The following NUDT4 variants were observed in gnomAD, a reference collection of about 807,000 sequenced individuals.
NUDT4 encodes diphosphoinositol polyphosphate phosphohydrolase 2.
In NUDT4, 5 loss-of-function variants were observed where a neutral mutation model predicts 23.1. The observed-to-expected ratio is 0.22, with a 90% CI of 0.11 to 0.46. The LOEUF is 0.46. NUDT4 is among the 20% of genes least tolerant of loss of function. The pLI is 0.99. For synonymous variants in NUDT4, 50 were observed against 79.0 expected, an observed-to-expected ratio of 0.63 and a Z score of 1.95; for missense variants, 96 against 211.6, an observed-to-expected ratio of 0.45 and a Z score of 3.39.
At chr12:93,384,299 C>T (rs550947201) in intron 1 of NUDT4, among the ~76,000 whole-genome samples, 92 of 152,210 alleles carry the variant, frequency 6.0e-4, no homozygotes, top group African/African-American at 2.2e-3. Context: ...TCCCGAGTAG[C>T]TGAGACTACA....
chr12:93,402,784 T>C lies in NUDT4; in HGVS notation c.*3405T>C, dbSNP rs1448205178. The C allele has an allele frequency of 6.6e-6, 1 of 152,216 alleles. No homozygotes were observed. Among genetic ancestry groups the C allele is most frequent in the African/African-American group, 2.4e-5 (1 of 41,450 alleles). 9.4% of individuals were successfully genotyped at this position (152,216 alleles called of 1,614,324 possible). A position where few individuals can be genotyped will look rare whatever the true frequency, so the allele number is the denominator to read the frequency against. On this transcript the variant is annotated 3_prime_UTR_variant, in exon 5 of 5. Transcript: ENST00000415493. Reference sequence around the variant, plus strand: ...CTAGAATTCTAATACAGATACTTTCTGCACTAGTATCACTTTTATTATTGC... The same window carrying C: ...CTAGAATTCTAATACAGATACTTTCCGCACTAGTATCACTTTTATTATTGC...
At chr12:93,398,495 C>T (rs1026731009) in intron 3 of NUDT4, among the ~76,000 whole-genome samples, 6 of 152,100 alleles carry the variant, frequency 3.9e-5, no homozygotes, top group Admixed American at 2.6e-4. Context: ...CCAGCCTGGG[C>T]AACATCTCCA....
chr12:93,403,029 T>TC lies in NUDT4; in HGVS notation c.*3650_*3651insC. The TC allele has an allele frequency of 9.1e-6, 1 of 109,374 alleles. No individual in the cohort carries two copies. The highest frequency in any genetic ancestry group is 1.7e-5 in the Non-Finnish European group (1 of 57,214). 6.8% of individuals were successfully genotyped at this position (109,374 alleles called of 1,614,324 possible). ...GTATAAGAATTCTCTATAGGACTCT[T>TC]TAATTTTTTTTTTTTTTTGGTAGAG... is the stretch of plus-strand genomic sequence containing the variant. On this transcript the variant is annotated 3_prime_UTR_variant, in exon 5 of 5. Transcript: ENST00000415493.
intron 3 of NUDT4, among the ~76,000 whole-genome samples, chr12:93,397,868 G>GTGC (rs1877047937): frequency 6.6e-6 from 1 of 152,122 alleles, no homozygotes; most frequent in Admixed American, 6.5e-5. Flanking sequence ...TGCAGGAGGA[G>GTGC]TGCTTAAAGG....
In NUDT4 at chr12:93,398,773, C is replaced by T. The variant is rs751105420; in HGVS notation, c.258C>T (p.Asn86=). 1 of 1,596,870 alleles carries T rather than the reference C, an allele frequency of 6.3e-7. No individual in the cohort carries two copies. Among genetic ancestry groups the T allele is most frequent in the South Asian group, 1.1e-5 (1 of 89,114 alleles). ...KLGRLLGIFE[N]QDRKHRTYVY... The stretch of plus-strand genomic sequence containing the variant: ...CATTTCTTTTTATATTCAAGCAGAA[C>T]CAAGACCGAAAGCACAGAACATATG... The change falls in exon 4 of 5, where the codon AAC becomes AAT. Residue 86 remains asparagine, a splice_region_variant and synonymous_variant. Transcript: ENST00000415493.
At position 93,402,465 on chromosome 12, in the gene NUDT4, T is replaced by C. The variant is rs1354315514; in HGVS notation, c.*3086T>C. ...GGTTGTTTAAACTTGTGTTCAAATA[T>C]TCCCCCTCCAAGTGAAAGCCTGTCG... On this transcript the variant is annotated 3_prime_UTR_variant, in exon 5 of 5. Coordinates refer to ENST00000415493, the MANE Select transcript of NUDT4 (RefSeq NM_019094.6). 6.6e-6 allele frequency: 1 copy of C among 152,218 alleles called. No homozygotes were observed. Among genetic ancestry groups the C allele is most frequent in the African/African-American group, 2.4e-5 (1 of 41,458 alleles). The allele number at this position is 152,218 out of a possible 1,614,324, so 9.4% of individuals were successfully genotyped here.
At chr12:93,390,238 A>G (rs1260511824) in intron 1 of NUDT4, among the ~76,000 whole-genome samples, 5 of 152,236 alleles carry the variant, frequency 3.3e-5, no homozygotes, top group South Asian at 2.1e-4. Flanking sequence ...CATCTAGGCA[A>G]TAGAAACCAG....
intron 1 of NUDT4, among the ~76,000 whole-genome samples, chr12:93,379,181 C>A (rs1359175408): frequency 3.3e-5 from 5 of 152,316 alleles, no homozygotes; most frequent in African/African-American, 1.2e-4. Context: ...AGTAGCCTTT[C>A]TCGTTCTCAG....
Position 93,387,662 on chromosome 12 carries a change from C to T in NUDT4, c.100-6947C>T, listed in dbSNP as rs144468212. ...ATATAAACATGCTCCAATGTGATAC[C>T]AACTTTTTTTCATCTGTACTGGTCT... On this transcript the variant is annotated intron_variant, in intron 1 of 4. Transcript: ENST00000415493. Among the ~76,000 whole-genome samples, 151 of 152,190 alleles carry T rather than the reference C, an allele frequency of 9.9e-4. 1 individual carries two copies. Among genetic ancestry groups the T allele is most frequent in the Middle Eastern group, 3.4e-3 (1 of 294 alleles).
At chr12:93,390,406 G>T (rs909861358) in intron 1 of NUDT4, among the ~76,000 whole-genome samples, 6 of 152,148 alleles carry the variant, frequency 3.9e-5, no homozygotes, top group African/African-American at 1.4e-4. Flanking sequence ...TTGATAGAGG[G>T]CCAGTGCCTT....
intron 1 of NUDT4, among the ~76,000 whole-genome samples, chr12:93,386,568 A>T (rs1002990032): frequency 1.3e-5 from 2 of 151,516 alleles, no homozygotes; most frequent in Admixed American, 1.3e-4. Flanking sequence ...TGACAGAGTG[A>T]GACCCTGTTT....
rs1877512132 is a variant in NUDT4 at position 93,402,321 on chromosome 12, G to A, written c.*2942G>A. ...ACAAAAACACACACACATGAACTCA[G>A]ATTTGCAAACCAGGTTTCTGAAACT... On this transcript the variant is annotated 3_prime_UTR_variant, in exon 5 of 5. Transcript: ENST00000415493. 1.3e-5 allele frequency: 2 copies of A among 151,932 alleles called. No individual in the cohort carries two copies. The highest frequency in any genetic ancestry group is 4.8e-5 in the African/African-American group (2 of 41,370). 9.4% of individuals were successfully genotyped at this position (151,932 alleles called of 1,614,324 possible).
At chr12:93,380,226 C>T (rs1445844124) in intron 1 of NUDT4, among the ~76,000 whole-genome samples, 1 of 152,026 alleles carries the variant, frequency 6.6e-6, no homozygotes, top group Non-Finnish European at 1.5e-5. Flanking sequence ...ATAATGTGAA[C>T]TTGGAATTCA....
chr12:93,395,574 T>G, intron 3 of NUDT4, 41 bp downstream of exon 3: 1 of 1,481,642 alleles, frequency 6.7e-7, no homozygotes, highest in Non-Finnish European at 9.4e-7. Flanking sequence ...ATAATAGAAT[T>G]AATGATTTCT....
intron 1 of NUDT4, among the ~76,000 whole-genome samples, chr12:93,393,301 C>T (rs780744136): frequency 2.2e-4 from 34 of 151,526 alleles, no homozygotes; most frequent in Middle Eastern, 3.4e-3. Context: ...GGGGTTTCAC[C>T]ATGTTTTGTC....
intron 3 of NUDT4, among the ~76,000 whole-genome samples, chr12:93,397,198 A>T (rs1324143224): frequency 6.6e-6 from 1 of 152,214 alleles, no homozygotes. Flanking sequence ...GATTTTTGTG[A>T]ATTTGTGAAT....
rs1054954508 is a variant in NUDT4, at chr12:93,402,537, T to C, written c.*3158T>C. 2 of 152,204 alleles carry C rather than the reference T, an allele frequency of 1.3e-5. No individual in the cohort carries two copies. The highest frequency in any genetic ancestry group is 2.4e-5 in the African/African-American group (1 of 41,446). The allele number at this position is 152,204 out of a possible 1,614,324, so 9.4% of individuals were successfully genotyped here. A position where few individuals can be genotyped will look rare whatever the true frequency, so the allele number is the denominator to read the frequency against. Reference sequence around the variant, plus strand: ...TACTGTTCTCCCATTGATGATCATATACGTTACCTCTTCCTAGCGGTACAT... The same window carrying C: ...TACTGTTCTCCCATTGATGATCATACACGTTACCTCTTCCTAGCGGTACAT... On this transcript the variant is annotated 3_prime_UTR_variant, in exon 5 of 5. Transcript: ENST00000415493.
intron 3 of NUDT4, among the ~76,000 whole-genome samples, chr12:93,396,513 A>G (rs893671994): frequency 2.0e-5 from 3 of 152,210 alleles, no homozygotes; most frequent in Non-Finnish European, 2.9e-5. Flanking sequence ...CAGCCTTTAT[A>G]GTAGAACCAT....
At chr12:93,391,056 C>G (rs751356769) in intron 1 of NUDT4, among the ~76,000 whole-genome samples, 12 of 152,086 alleles carry the variant, frequency 7.9e-5, no homozygotes. Flanking sequence ...AGAGAGGACT[C>G]CTGTGCTGGC....
Sources: allele counts gnomAD v4.1 joint callset (sites outside exome capture counted in the v4.1 genomes callset), GRCh38; gene constraint gnomAD v4.1.1; transcripts MANE v1.5; gene names NCBI Gene and HGNC (gene_info 2026-07-23, HGNC 2026-07-21).